Variants in SLC27A1 observed in about 807,000 individuals in gnomAD.
SLC27A1 encodes the protein solute carrier family 27 member 1, also known as long-chain fatty acid transport protein 1.
In SLC27A1, 61 loss-of-function variants were observed where a neutral mutation model predicts 62.2. That is an observed-to-expected ratio of 0.98 (90% CI 0.80 to 1.21). SLC27A1 has a LOEUF of 1.21. SLC27A1 is among the 50% of genes most tolerant of loss of function. The pLI is 0.00. For missense variants in SLC27A1, 903 were observed against 932.1 expected (o/e 0.97, Z 0.41); for synonymous variants, 435 against 408.6 (o/e 1.06, Z -0.78).
At chr19:17,494,091 T>C (rs2075323331) in intron 6 of SLC27A1, among the ~76,000 whole-genome samples, 1 of 150,284 alleles carries the variant, frequency 6.7e-6, no homozygotes, top group Non-Finnish European at 1.5e-5. Flanking sequence ...CAATCTTGGC[T>C]CACTGCAAGC....
chr19:17,472,412 T>A (rs79780516), intron 1 of SLC27A1, among the ~76,000 whole-genome samples: 20,908 of 146,758 alleles, frequency 0.14, 1,714 homozygotes, highest in Non-Finnish European at 0.19. Context: ...AAAAAAAAAA[T>A]AGAATTAGAA....
At chr19:17,493,343 G>A (rs1324997215) in intron 6 of SLC27A1, among the ~76,000 whole-genome samples, 5 of 129,756 alleles carry the variant, frequency 3.9e-5, no homozygotes, top group Admixed American at 9.0e-5. Context: ...CAGGAGAATC[G>A]TTTGAACCCG....
chr19:17,470,561 C>G lies in SLC27A1; in HGVS notation c.21C>G (p.Gly7=). 2 of 1,563,202 alleles carry G rather than the reference C, an allele frequency of 1.3e-6. No individual in the cohort carries two copies. Among genetic ancestry groups the G allele is most frequent in the Non-Finnish European group, 1.7e-6 (2 of 1,163,958 alleles). MRAPGA[G]AASVVSLALL... ...CCAGGATGCGGGCTCCGGGTGCGGG[C>G]GCGGCCTCGGTGGTCTCGCTGGCGC... is the stretch of plus-strand genomic sequence containing the variant. Residue 7 remains glycine (G), a synonymous_variant, in exon 1 of 12, where the codon GGC becomes GGG. Transcript: ENST00000252595.
In SLC27A1 at chr19:17,501,560, T is replaced by C. The variant is rs888888319; in HGVS notation, c.1783+141T>C. 2.4e-4 allele frequency: 276 copies of C among 1,172,454 alleles called. 1 individual carries two copies. Among genetic ancestry groups the C allele is most frequent in the Non-Finnish European group, 2.1e-4 (178 of 851,076 alleles). 72.6% of individuals were successfully genotyped at this position (1,172,454 alleles called of 1,614,324 possible). On this transcript the variant is annotated intron_variant, in intron 11 of 11. Transcript: ENST00000252595. ...GGCTCACGCCTGTAATCCCAGCACT[T>C]TGGGAGGCCGAGGCGGGCGGATCAC...
chr19:17,486,351 T>G lies in SLC27A1; in HGVS notation c.168-212T>G, dbSNP rs2075229054. 6.6e-6 allele frequency among the ~76,000 whole-genome samples: 1 copy of G among 152,194 alleles called. No individual in the cohort carries two copies. Among genetic ancestry groups the G allele is most frequent in the Non-Finnish European group, 1.5e-5 (1 of 68,016 alleles). ...TATGGGGGAGGACAGGGTGACTGGTTTATTACGCTTTGAGAATCTACCTTC... is the reference window on the plus strand; with the variant it reads ...TATGGGGGAGGACAGGGTGACTGGTGTATTACGCTTTGAGAATCTACCTTC... On this transcript the variant is annotated intron_variant, in intron 1 of 11. Coordinates refer to ENST00000252595, the MANE Select transcript of SLC27A1 (RefSeq NM_198580.3). This position sits in a 1 kb window ranked among gnomAD's most constrained non-coding sequence, Gnocchi z 6.6.
chr19:17,503,270 G>A (rs2075436481), intron 11 of SLC27A1, among the ~76,000 whole-genome samples: 2 of 152,150 alleles, frequency 1.3e-5, no homozygotes, highest in Non-Finnish European at 2.9e-5. Flanking sequence ...GTCTCACTGT[G>A]TTGCCCAGGC....
At chr19:17,500,150 CA>C in intron 7 of SLC27A1, 127 bp from the exon 8 acceptor site, 1 of 1,446,804 alleles carries the variant, frequency 6.9e-7, no homozygotes, top group South Asian at 1.4e-5. Flanking sequence ...GCAGATCAGC[CA>C]AGGTCACAGA....
At chr19:17,493,427 C>CAAAAAAAAAAA (rs769247313) in intron 6 of SLC27A1, among the ~76,000 whole-genome samples, 1 of 72,032 alleles carries the variant, frequency 1.4e-5, no homozygotes, top group African/African-American at 6.4e-5. Flanking sequence ...AACTCCATCT[C>CAAAAAAAAAAA]AAAAAAAAAA....
Position 17,505,299 on chromosome 19 carries a change from C to T in SLC27A1, c.*687C>T. On this transcript the variant is annotated 3_prime_UTR_variant, in exon 12 of 12. Transcript: ENST00000252595. The stretch of plus-strand genomic sequence containing the variant: ...TTGGGGACTGCAGGAATCATCTCCC[C>T]TGGGCCCTGGACTCGGACTGGGGCC... 5.4e-6 allele frequency: 1 copy of T among 185,362 alleles called. No homozygotes were observed. The highest frequency in any genetic ancestry group is 1.0e-4 in the South Asian group (1 of 10,028). The allele number at this position is 185,362 out of a possible 1,614,324, so 11.5% of individuals were successfully genotyped here. A position where few individuals can be genotyped will look rare whatever the true frequency, so the allele number is the denominator to read the frequency against.
chr19:17,493,427 C>CAA (rs769247313), intron 6 of SLC27A1, among the ~76,000 whole-genome samples: 7,476 of 70,982 alleles, frequency 0.11, 954 homozygotes, highest in African/African-American at 0.17. Context: ...AACTCCATCT[C>CAA]AAAAAAAAAA....
At chr19:17,494,879 G>A (rs775114423) in intron 6 of SLC27A1, among the ~76,000 whole-genome samples, 15 of 151,302 alleles carry the variant, frequency 9.9e-5, no homozygotes, top group Non-Finnish European at 1.5e-4. Flanking sequence ...AGAGATTTGC[G>A]CCCTATGCGG....
intron 1 of SLC27A1, among the ~76,000 whole-genome samples, chr19:17,482,997 T>C (rs1373613112): frequency 6.6e-6 from 1 of 151,448 alleles, no homozygotes; most frequent in Admixed American, 6.6e-5. Context: ...AATGAGGGAA[T>C]GAGTGAAGGA....
At chr19:17,497,173 G>T (rs970477068) in intron 6 of SLC27A1, 82 bp from the exon 7 acceptor site, 1 of 1,109,964 alleles carries the variant, frequency 9.0e-7, no homozygotes, top group Non-Finnish European at 1.3e-6. Flanking sequence ...CCCTGGGTGG[G>T]GCGGTCTCGG....
chr19:17,474,627 CTTTT>C (rs780611616), intron 1 of SLC27A1, among the ~76,000 whole-genome samples: 2 of 131,418 alleles, frequency 1.5e-5, no homozygotes, highest in African/African-American at 2.7e-5. Flanking sequence ...TGACCCCTTT[CTTTT>C]TTTTTTTTTT....
chr19:17,482,244 C>T (rs903703428), intron 1 of SLC27A1, among the ~76,000 whole-genome samples: 41 of 152,256 alleles, frequency 2.7e-4, no homozygotes, highest in Non-Finnish European at 4.1e-4. Flanking sequence ...GCCCGCCGGG[C>T]GCAGTGGCTA....
In SLC27A1 at chr19:17,474,854, T is replaced by TC. The variant is rs2075107639; in HGVS notation, c.167+4150dup. Among the ~76,000 whole-genome samples, 4 of 151,842 alleles carry TC rather than the reference T, an allele frequency of 2.6e-5. 1 individual carries two copies. In the South Asian group the frequency reaches 8.3e-4, roughly 32 times the overall value. On this transcript the variant is annotated intron_variant, in intron 1 of 11. Coordinates refer to ENST00000252595, the MANE Select transcript of SLC27A1 (RefSeq NM_198580.3). ...CATGTTGGCCAGGCTGGTCTTGAAC[T>TC]CCCGACCTCAGGTGATCTGCCCGCC...
intron 11 of SLC27A1, among the ~76,000 whole-genome samples, chr19:17,502,335 GTTTTTTTTGT>G (rs1346006375): frequency 4.0e-5 from 3 of 75,900 alleles, no homozygotes; most frequent in Non-Finnish European, 5.0e-5. Context: ...CTGAAATAGT[GTTTTTTTTGT>G]TTTTTTTTTT....
upstream of SLC27A1, among the ~76,000 whole-genome samples, chr19:17,469,176 T>C (rs2075049803): frequency 6.6e-6 from 1 of 151,996 alleles, no homozygotes; most frequent in Admixed American, 6.6e-5. Flanking sequence ...GGTGTGACGG[T>C]GAGACTTAAC....
At chr19:17,502,195 A>T (rs2075422149) in intron 11 of SLC27A1, among the ~76,000 whole-genome samples, 1 of 152,142 alleles carries the variant, frequency 6.6e-6, no homozygotes, top group Admixed American at 6.6e-5. Context: ...ATCCTAGTTC[A>T]GGACAGTGTC....
Sources: allele counts gnomAD v4.1 joint callset (sites outside exome capture counted in the v4.1 genomes callset), GRCh38; gene constraint gnomAD v4.1.1; non-coding constraint Gnocchi (gnomAD v3.1); transcripts MANE v1.5; gene names NCBI Gene and HGNC (gene_info 2026-07-23, HGNC 2026-07-21).